KCNMA1: variants seen among roughly 807,000 people sequenced by gnomAD.
KCNMA1 encodes the protein potassium calcium-activated channel subfamily M alpha 1.
In KCNMA1, 29 loss-of-function variants were observed where a neutral mutation model predicts 140.0. The ratio of observed to expected loss-of-function variants is 0.21; its 90% CI spans 0.15 to 0.28. KCNMA1 has a LOEUF of 0.28. Among genes scored for constraint, KCNMA1 ranks in the 10% least tolerant of loss-of-function variants. The pLI is 1.00. For missense variants in KCNMA1, 880 were observed against 1,602.2 expected (o/e 0.55, Z 7.70); for synonymous variants, 612 against 611.9 (o/e 1.00, Z 0.00).
At chr10:76,974,495 G>A in intron 19 of KCNMA1, 4 of 1,545,472 alleles carry the variant, frequency 2.6e-6, no homozygotes, top group Non-Finnish European at 3.5e-6. Flanking sequence ...ACCTGGCTCG[G>A]TCACAAGCCG....
chr10:77,203,856 G>T (rs906513951), intron 3 of KCNMA1, among the ~76,000 whole-genome samples: 1 of 152,100 alleles, frequency 6.6e-6, no homozygotes, highest in Non-Finnish European at 1.5e-5. Context: ...CAGCACTTTG[G>T]GAGGCTGAGG....
chr10:77,157,395 T>C (rs1231305569), intron 5 of KCNMA1, among the ~76,000 whole-genome samples: 1 of 152,242 alleles, frequency 6.6e-6, no homozygotes, highest in African/African-American at 2.4e-5. Context: ...TTTACTTATC[T>C]ACTGTACAGA....
At position 77,245,312 on chromosome 10, in the gene KCNMA1, G is replaced by A. The variant is rs77575851; in HGVS notation, c.602+5883C>T. On this transcript the variant is annotated intron_variant, in intron 3 of 27. Coordinates refer to ENST00000286628, the MANE Select transcript of KCNMA1 (RefSeq NM_001161352.2). ...GCCCATCTCATCATGCTGCAGGATGGGGTACACTAAAGGGGATAGTGAAAG... is the reference window on the plus strand; with the variant it reads ...GCCCATCTCATCATGCTGCAGGATGAGGTACACTAAAGGGGATAGTGAAAG... 9.6e-4 allele frequency among the ~76,000 whole-genome samples: 146 copies of A among 152,232 alleles called. 2 individuals carry two copies. In the East Asian group the frequency reaches 0.021, roughly 22 times the overall value.
At chr10:77,632,787 C>T (rs926606683) in intron 1 of KCNMA1, among the ~76,000 whole-genome samples, 6 of 152,234 alleles carry the variant, frequency 3.9e-5, no homozygotes, top group Non-Finnish European at 8.8e-5. Flanking sequence ...ATGATAGTTA[C>T]CACTTACAAG....
chr10:77,609,833 C>T (rs2086123351), intron 1 of KCNMA1, among the ~76,000 whole-genome samples: 2 of 152,150 alleles, frequency 1.3e-5, no homozygotes, highest in South Asian at 2.1e-4. Context: ...TTCAAAAACA[C>T]AGACTGAAAA....
chr10:77,549,691 A>G (rs1264651824), intron 1 of KCNMA1, among the ~76,000 whole-genome samples: 1 of 152,196 alleles, frequency 6.6e-6, no homozygotes, highest in Non-Finnish European at 1.5e-5. Flanking sequence ...CTGTCTCCAC[A>G]TTTTCAGTAA....
intron 23 of KCNMA1, among the ~76,000 whole-genome samples, chr10:76,923,514 A>G (rs886380567): frequency 1.3e-5 from 2 of 152,128 alleles, no homozygotes; most frequent in African/African-American, 4.8e-5. Flanking sequence ...TAAGGGGAGG[A>G]AGGAAGAAAA....
At chr10:77,034,819 C>T (rs2094203645) in intron 15 of KCNMA1, among the ~76,000 whole-genome samples, 1 of 152,204 alleles carries the variant, frequency 6.6e-6, no homozygotes, top group Non-Finnish European at 1.5e-5. Flanking sequence ...TTAAATACAT[C>T]TTTTGTCCTA....
chr10:76,944,703 G>T, intron 23 of KCNMA1, 70 bp downstream of exon 23: 1 of 1,407,834 alleles, frequency 7.1e-7, no homozygotes, highest in Non-Finnish European at 1.0e-6. Context: ...ATTACTGAGT[G>T]AAGGATATCC....
chr10:77,333,675 C>A (rs988874210), intron 2 of KCNMA1, among the ~76,000 whole-genome samples: 1 of 152,322 alleles, frequency 6.6e-6, no homozygotes, highest in Admixed American at 6.5e-5. Flanking sequence ...ATTCCTTGAG[C>A]AGTATCTCCC....
At chr10:77,382,980 GTGTGTGTGTGTGTGTA>G (rs1218995305) in intron 2 of KCNMA1, among the ~76,000 whole-genome samples, 3 of 73,002 alleles carry the variant, frequency 4.1e-5, no homozygotes, top group African/African-American at 2.6e-4. Flanking sequence ...GTGTGTGTGT[GTGTGTGTGTGTGTGTA>G]TATATATATA....
chr10:77,502,392 C>A (rs1046745880), intron 1 of KCNMA1, among the ~76,000 whole-genome samples: 1 of 152,174 alleles, frequency 6.6e-6, no homozygotes, highest in Non-Finnish European at 1.5e-5. Flanking sequence ...GCCTCTGGAT[C>A]CACCAAAATA....
intron 1 of KCNMA1, among the ~76,000 whole-genome samples, chr10:77,521,521 T>G (rs1256024524): frequency 6.6e-6 from 1 of 152,256 alleles, no homozygotes; most frequent in Non-Finnish European, 1.5e-5. Flanking sequence ...ACTGCCTCTC[T>G]GTGCCTCAGT....
intron 23 of KCNMA1, among the ~76,000 whole-genome samples, chr10:76,932,664 C>T (rs2059568852): frequency 6.6e-6 from 1 of 152,114 alleles, no homozygotes; most frequent in Non-Finnish European, 1.5e-5. Flanking sequence ...TTTATTATGT[C>T]AAATTGCTCA....
At chr10:77,184,749 G>T (rs1317996860) in intron 4 of KCNMA1, 74 bp downstream of exon 4, 2 of 930,716 alleles carry the variant, frequency 2.1e-6, no homozygotes, top group African/African-American at 1.6e-5. Context: ...GAGAGCAGAG[G>T]CTGAGGGGGA....
chr10:77,605,000 A>T (rs1299965258), intron 1 of KCNMA1, among the ~76,000 whole-genome samples: 3 of 152,158 alleles, frequency 2.0e-5, no homozygotes, highest in African/African-American at 7.2e-5. Context: ...GCTCCAAAAA[A>T]CACAGGGTCA....
rs552981559 is a variant in KCNMA1, at chr10:77,283,620, C to T, written c.541-32364G>A. Among the ~76,000 whole-genome samples the T allele has an allele frequency of 2.6e-5, 4 of 152,320 alleles. No individual in the cohort carries two copies. The South Asian group carries it at 8.3e-4, about 32-fold the overall frequency. On this transcript the variant is annotated intron_variant, in intron 2 of 27. Coordinates refer to ENST00000286628, the MANE Select transcript of KCNMA1 (RefSeq NM_001161352.2). ...TTTGATGAGGTGGTAGAGTTGGATC[C>T]TTTGGCATTGAGGGAAGAATGGCAG...
chr10:76,945,023 G>A (rs183528972), intron 22 of KCNMA1, 58 bp from the exon 23 acceptor site: 25 of 1,402,234 alleles, frequency 1.8e-5, no homozygotes, highest in Non-Finnish European at 2.3e-5. Flanking sequence ...GACAGAGAGA[G>A]AGAGAGAGGA....
chr10:77,459,083 AGGCACTT>A (rs1179160473), intron 1 of KCNMA1, among the ~76,000 whole-genome samples: 1 of 152,174 alleles, frequency 6.6e-6, no homozygotes, highest in African/African-American at 2.4e-5. Flanking sequence ...TATTTGCTGC[AGGCACTT>A]CCAGATGTCT....
Sources: allele counts gnomAD v4.1 joint callset (sites outside exome capture counted in the v4.1 genomes callset), GRCh38; gene constraint gnomAD v4.1.1; transcripts MANE v1.5; gene names NCBI Gene and HGNC (gene_info 2026-07-23, HGNC 2026-07-21).